The following LMO3 variants were observed in gnomAD, a reference collection of about 807,000 sequenced individuals.
LMO3 encodes the protein LIM domain only protein 3.
In LMO3, 2 loss-of-function variants were observed where a neutral mutation model predicts 15.8. That is an observed-to-expected ratio of 0.13 (90% CI 0.05 to 0.40). The LOEUF (loss-of-function observed/expected upper bound fraction) is 0.40. Among genes scored for constraint, LMO3 ranks in the 10% least tolerant of loss-of-function variants. The pLI, the probability that LMO3 is intolerant of heterozygous loss-of-function variation, is 0.99. For missense variants in LMO3, 86 were observed against 182.2 expected, an observed-to-expected ratio of 0.47 and a Z score of 3.04; for synonymous variants, 62 against 63.8, an observed-to-expected ratio of 0.97 and a Z score of 0.13.
In LMO3 at chr12:16,551,336, A is replaced by G. The variant is rs1226258712; in HGVS notation, c.333-9T>C. 1 of 1,488,944 alleles carries G rather than the reference A, an allele frequency of 6.7e-7. No homozygotes were observed. The highest frequency in any genetic ancestry group is 2.3e-5 in the East Asian group (1 of 44,296). The allele number at this position is 1,488,944 out of a possible 1,614,324, so 92.2% of individuals were successfully genotyped here. On this transcript the variant is annotated splice_polypyrimidine_tract_variant and intron_variant, in intron 3 of 3. Coordinates refer to ENST00000537304, the MANE Select transcript of LMO3 (RefSeq NM_018640.5). ...TGTCTCCAACACAAAATCTGAAAAT[A>G]TTTTAAACAATAAAATGTGGTTAAG...
chr12:16,594,036 G>T, intron 2 of LMO3: 1 of 1,082,740 alleles, frequency 9.2e-7, no homozygotes, highest in Non-Finnish European at 1.3e-6. Flanking sequence ...CTACATGTTA[G>T]ACTGATTAAT....
At chr12:16,600,246 T>C (rs1300322505) in intron 2 of LMO3, 1 of 136,046 alleles carries the variant, frequency 7.4e-6, no homozygotes, top group African/African-American at 2.9e-5. Flanking sequence ...AAATGGCTGA[T>C]CAATTTCTTT....
intron 2 of LMO3, among the ~76,000 whole-genome samples, chr12:16,567,099 G>A (rs1395698488): frequency 6.6e-6 from 1 of 152,180 alleles, no homozygotes; most frequent in African/African-American, 2.4e-5. Flanking sequence ...AGGAGGCTGA[G>A]CCAGGAGAAT....
At chr12:16,605,829 A>G in intron 1 of LMO3, 1 of 1,535,376 alleles carries the variant, frequency 6.5e-7, no homozygotes, top group Admixed American at 2.0e-5. Context: ...GCCTGCATCT[A>G]TTTCATGTCT....
In LMO3 at chr12:16,591,576, T is replaced by A. The variant is rs759149543; in HGVS notation, c.206+9079A>T. 6.6e-5 allele frequency among the ~76,000 whole-genome samples: 10 copies of A among 152,012 alleles called. No homozygotes were observed. Among genetic ancestry groups the A allele is most frequent in the Non-Finnish European group, 1.5e-4 (10 of 67,958 alleles). On this transcript the variant is annotated intron_variant, in intron 2 of 3. Transcript: ENST00000537304. This position sits in a 1 kb window ranked among gnomAD's most constrained non-coding sequence, Gnocchi z 4.1. ...TCAAGGCCTTTTACAGTACCTAGAA[T>A]ATACAGAATGATCACATTTATTGAA...
At chr12:16,552,520 A>G (rs1942028095) in intron 3 of LMO3, among the ~76,000 whole-genome samples, 1 of 151,976 alleles carries the variant, frequency 6.6e-6, no homozygotes, top group South Asian at 2.1e-4. Flanking sequence ...CAGTGAACCT[A>G]TTTTTTTCCA....
rs1941932938 is a variant in LMO3 at position 16,550,137 on chromosome 12, C to T, written c.*1085G>A. 1 of 152,028 alleles carries T rather than the reference C, an allele frequency of 6.6e-6. No homozygotes were observed. Among genetic ancestry groups the T allele is most frequent in the African/African-American group, 2.4e-5 (1 of 41,422 alleles). 9.4% of individuals were successfully genotyped at this position (152,028 alleles called of 1,614,324 possible). On this transcript the variant is annotated 3_prime_UTR_variant, in exon 4 of 4. Transcript: ENST00000537304. ...ATGTTGCTCCGATCAAAAGTAACCT[C>T]ACTACTCAAATACCATCATAGCTTC...
chr12:16,569,729 A>G (rs1942745866), intron 2 of LMO3, among the ~76,000 whole-genome samples: 1 of 152,162 alleles, frequency 6.6e-6, no homozygotes, highest in Non-Finnish European at 1.5e-5. Context: ...CAAGCTTGCT[A>G]TTTATTGTTT....
chr12:16,609,121 G>A (rs1944080638), upstream of LMO3: 1 of 152,192 alleles, frequency 6.6e-6, no homozygotes, highest in African/African-American at 2.4e-5. Context: ...ACCCCGTGCA[G>A]ATGAAGAGGC....
At position 16,551,631 on chromosome 12, in the gene LMO3, T is replaced by A. The variant is rs150324456; in HGVS notation, c.333-304A>T. On this transcript the variant is annotated intron_variant, in intron 3 of 3. Transcript: ENST00000537304. ...TAAACCACACTGGAAAGAAAAAAAA[T>A]AAAAAGAACTGATCTGTATTTACAC... Among the ~76,000 whole-genome samples the A allele has an allele frequency of 5.2e-3, 759 of 145,174 alleles. 8 individuals are homozygous for A. Among genetic ancestry groups the A allele is most frequent in the African/African-American group, 0.019 (737 of 39,256 alleles).
At chr12:16,605,065 G>T (rs139517677) in intron 1 of LMO3, 1 of 1,484,164 alleles carries the variant, frequency 6.7e-7, no homozygotes, top group Non-Finnish European at 8.9e-7. Flanking sequence ...GTGGCGGCAG[G>T]GGGTGGGGGA....
At position 16,571,464 on chromosome 12, in the gene LMO3, C is replaced by G. The variant is rs527373151; in HGVS notation, c.207-10926G>C. 3.3e-5 allele frequency among the ~76,000 whole-genome samples: 5 copies of G among 152,128 alleles called. No individual in the cohort carries two copies. The South Asian group carries it at 1.0e-3, about 32-fold the overall frequency. ...TTTAAGAAGGTACTCTAAACACAAT[C>G]ATTTGAAAAAATATATAGATTGAAT... On this transcript the variant is annotated intron_variant, in intron 2 of 3. Transcript: ENST00000537304.
chr12:16,555,119 C>T lies in LMO3; in HGVS notation c.333-3792G>A, dbSNP rs764803123. ...TAAACGAATGAGTACATGTAAAACA[C>T]TCAGAACGGTGTTTGGTGTTTGACT... On this transcript the variant is annotated intron_variant, in intron 3 of 3. Coordinates refer to ENST00000537304, the MANE Select transcript of LMO3 (RefSeq NM_018640.5). This position sits in a 1 kb window ranked among gnomAD's most constrained non-coding sequence, Gnocchi z 5.5. 2.0e-5 allele frequency among the ~76,000 whole-genome samples: 3 copies of T among 152,200 alleles called. No individual in the cohort carries two copies. Among genetic ancestry groups the T allele is most frequent in the Non-Finnish European group, 2.9e-5 (2 of 68,042 alleles).
rs545860787 is a variant in LMO3, at chr12:16,551,122, G to A, written c.*100C>T. On this transcript the variant is annotated 3_prime_UTR_variant, in exon 4 of 4. Transcript: ENST00000537304. Reference sequence around the variant, plus strand: ...AACCATCCTGCCTTCCTATATCTACGCTATTCAGTAGGTTCCTGTGTCAAT... The same window carrying A: ...AACCATCCTGCCTTCCTATATCTACACTATTCAGTAGGTTCCTGTGTCAAT... 2.1e-5 allele frequency: 16 copies of A among 770,034 alleles called. No individual in the cohort carries two copies. The highest frequency in any genetic ancestry group is 1.9e-4 in the South Asian group (12 of 64,550). 47.7% of individuals were successfully genotyped at this position (770,034 alleles called of 1,614,324 possible).
At chr12:16,606,700 T>G (rs1944014831), upstream of LMO3, 1 of 151,986 alleles carries the variant, frequency 6.6e-6, no homozygotes, top group Admixed American at 6.6e-5. Flanking sequence ...GGGTGAAAAT[T>G]TACAAGCCTG....
chr12:16,600,913 A>T, intron 1 of LMO3, 45 bp from the exon 2 acceptor site: 1 of 1,341,006 alleles, frequency 7.5e-7, no homozygotes, highest in East Asian at 2.3e-5. Flanking sequence ...ACTACCAGAC[A>T]GAATAAAAAG....
intron 2 of LMO3, among the ~76,000 whole-genome samples, chr12:16,565,745 G>A (rs1192849827): frequency 2.6e-5 from 4 of 151,594 alleles, no homozygotes; most frequent in Non-Finnish European, 5.9e-5. Flanking sequence ...CTGTTGGTGA[G>A]ATTGCAAATG....
rs7316305 is a variant in LMO3, at chr12:16,584,160, T to A, written c.206+16495A>T. Among the ~76,000 whole-genome samples, 148,596 of 152,196 alleles carry A rather than the reference T, an allele frequency of 0.98. 72,635 individuals carry two copies. The highest frequency in any genetic ancestry group is 1 in the South Asian group (4,818 of 4,818). On this transcript the variant is annotated intron_variant, in intron 2 of 3. Coordinates refer to ENST00000537304, the MANE Select transcript of LMO3 (RefSeq NM_018640.5). This position sits in a 1 kb window ranked among gnomAD's most constrained non-coding sequence, Gnocchi z 5.2. The stretch of plus-strand genomic sequence containing the variant: ...GTAAGAGGGAAATGACAGCAGTGAG[T>A]AGGGGTAAAAGGTAGTATAATTAGA...
intron 2 of LMO3, among the ~76,000 whole-genome samples, chr12:16,578,543 C>T (rs921282341): frequency 7.2e-5 from 11 of 152,026 alleles, no homozygotes; most frequent in East Asian, 3.9e-4. Flanking sequence ...TTAGGCCGGG[C>T]GCCGTGGCTC....
Sources: gnomAD v4.1 joint callset for allele counts (sites outside exome capture counted in the v4.1 genomes callset) on GRCh38, gnomAD v4.1.1 for gene constraint, Gnocchi (gnomAD v3.1) non-coding constraint, MANE v1.5 for transcripts, NCBI Gene and HGNC (gene_info 2026-07-23, HGNC 2026-07-21) for gene names.